ZNF518B: variants seen among roughly 807,000 people sequenced by gnomAD.
The protein encoded by ZNF518B is zinc finger protein 518B.
In ZNF518B, 23 loss-of-function variants were observed where a neutral mutation model predicts 56.3. The ratio of observed to expected loss-of-function variants is 0.41; its 90% CI spans 0.29 to 0.58. The LOEUF (loss-of-function observed/expected upper bound fraction) is 0.58. Among genes scored for constraint, ZNF518B ranks in the 20% least tolerant of loss-of-function variants. The pLI is 0.32. For synonymous variants in ZNF518B, 529 were observed against 465.9 expected (o/e 1.14, Z -1.74); for missense variants, 1,460 against 1,272.1 (o/e 1.15, Z -2.25).
chr4:10,445,196 T>C lies in ZNF518B; in HGVS notation c.1133A>G (p.Asn378Ser), dbSNP rs778885087. 22 of 1,614,104 alleles carry C rather than the reference T, an allele frequency of 1.4e-5. No individual in the cohort carries two copies. The Middle Eastern group carries it at 6.6e-4, about 48-fold the overall frequency. Residue 378 changes from asparagine (N) to serine (S), a missense_variant, in exon 3 of 3, where the codon AAT becomes AGT. Coordinates refer to ENST00000326756, the MANE Select transcript of ZNF518B (RefSeq NM_053042.3). ...CACCATACGTTCAGAATTACCTCCA[T>C]TATCCCTCCCAGCTTCAAGGCAATT... ...ENNCLEAGRD[N>S]GGNSERMVKE...
Position 10,443,512 on chromosome 4 carries a change from C to G in ZNF518B, c.2817G>C (p.Arg939=). 1 of 1,613,866 alleles carries G rather than the reference C, an allele frequency of 6.2e-7. No individual in the cohort carries two copies. Among genetic ancestry groups the G allele is most frequent in the African/African-American group, 1.3e-5 (1 of 75,048 alleles). ...GGTTTAACACAATGACTGGCTGGTT[C>G]CGACGGGGACACTTAATCAACTGAT... ...KPDQLIKCPR[R]NQPVIVLNHP... The change falls in exon 3 of 3, where the codon CGG becomes CGC. Residue 939 remains arginine, a synonymous_variant. Transcript: ENST00000326756.
chr4:10,446,408 T>C lies in ZNF518B; in HGVS notation c.-80A>G, dbSNP rs1715058820. The C allele has an allele frequency of 3.6e-6, 5 of 1,386,948 alleles. No homozygotes were observed. Among genetic ancestry groups the C allele is most frequent in the African/African-American group, 1.4e-5 (1 of 69,170 alleles). 85.9% of individuals were successfully genotyped at this position (1,386,948 alleles called of 1,614,324 possible). On this transcript the variant is annotated 5_prime_UTR_variant, in exon 3 of 3. Transcript: ENST00000326756. The stretch of plus-strand genomic sequence containing the variant: ...AAAATCCTTAGGAGATATCCTTCTA[T>C]ACAGTTTGTGATGGGTAGGGGCGCA...
rs1714680893 is a variant in ZNF518B, at chr4:10,441,512, A to T, written c.*1592T>A. ...AATCACTGGTGTCTTTTTCAGGTGC[A>T]ACAACTCTTTAGTTTCATTCACTGC... On this transcript the variant is annotated 3_prime_UTR_variant, in exon 3 of 3. Coordinates refer to ENST00000326756, the MANE Select transcript of ZNF518B (RefSeq NM_053042.3). The T allele has an allele frequency of 6.6e-6, 1 of 152,356 alleles. No individual in the cohort carries two copies. The highest frequency in any genetic ancestry group is 2.4e-5 in the African/African-American group (1 of 41,358). 9.4% of individuals were successfully genotyped at this position (152,356 alleles called of 1,614,324 possible). A position where few individuals can be genotyped will look rare whatever the true frequency, so the allele number is the denominator to read the frequency against.
At chr4:10,461,328 C>T (rs1291051452), upstream of ZNF518B, among the ~76,000 whole-genome samples, 4 of 152,222 alleles carry the variant, frequency 2.6e-5, no homozygotes, top group East Asian at 1.9e-4. Context: ...CTCAGCTCGG[C>T]CGCCGCGGCT....
At chr4:10,456,905 G>A (rs1304882241) in intron 1 of ZNF518B, among the ~76,000 whole-genome samples, 3 of 151,798 alleles carry the variant, frequency 2.0e-5, no homozygotes, top group African/African-American at 7.2e-5. Context: ...CCGGGCCAGC[G>A]GCGCCACACG....
intron 1 of ZNF518B, among the ~76,000 whole-genome samples, chr4:10,455,277 CTGTA>C (rs1342513063): frequency 6.6e-6 from 1 of 152,198 alleles, no homozygotes; most frequent in Non-Finnish European, 1.5e-5. Flanking sequence ...ACTGGCTGAT[CTGTA>C]GCTGCTTTCA....
At chr4:10,460,338 A>AAAAC (rs1715709744), upstream of ZNF518B, among the ~76,000 whole-genome samples, 1 of 144,932 alleles carries the variant, frequency 6.9e-6, no homozygotes, top group Admixed American at 6.9e-5. Context: ...AAAAAAAAAA[A>AAAAC]CCGACCATGT....
In ZNF518B at chr4:10,444,065, T is replaced by C. The variant is rs1479694436; in HGVS notation, c.2264A>G (p.Lys755Arg). The C allele has an allele frequency of 1.9e-6, 3 of 1,614,116 alleles. No individual in the cohort carries two copies. The highest frequency in any genetic ancestry group is 2.7e-5 in the African/African-American group (2 of 74,938). Residue 755 changes from lysine (K) to arginine (R), a missense_variant, in exon 3 of 3, where the codon AAA becomes AGA. Transcript: ENST00000326756. The stretch of plus-strand genomic sequence containing the variant: ...CTTCCTGGCCACTCTGCTTTTGGTT[T>C]TCCTATTACTGCCATCTGCAAAGTG... Reference protein sequence around the residue: ...YPHFADGSNRKTKSRVARKAH... With the variant: ...YPHFADGSNRRTKSRVARKAH...
rs1714836266 is a variant in ZNF518B, at chr4:10,444,133, A to G, written c.2196T>C (p.Gly732=). 1 of 1,614,114 alleles carries G rather than the reference A, an allele frequency of 6.2e-7. No individual in the cohort carries two copies. The highest frequency in any genetic ancestry group is 8.5e-7 in the Non-Finnish European group (1 of 1,180,044). Residue 732 remains glycine, a synonymous_variant, in exon 3 of 3, where the codon GGT becomes GGC. Coordinates refer to ENST00000326756, the MANE Select transcript of ZNF518B (RefSeq NM_053042.3). ...GAGTAAGCTGTCTATTACCAGTAAT[A>G]CCACCATCATTCGGAGGTTTCTGAA... ...GTLQKPPNDG[G]ITGNRQLTHQ...
At position 10,443,181 on chromosome 4, in the gene ZNF518B, C is replaced by T. The variant is rs1714761049; in HGVS notation, c.3148G>A (p.Glu1050Lys). 5 of 1,614,240 alleles carry T rather than the reference C, an allele frequency of 3.1e-6. No individual in the cohort carries two copies. The highest frequency in any genetic ancestry group is 4.2e-6 in the Non-Finnish European group (5 of 1,180,036). ...FCGRLYEDQE[E>K]WMSHGQRHLI... is the part of the protein sequence containing the mutation. The stretch of plus-strand genomic sequence containing the variant: ...TGCCGTTGGCCATGACTCATCCACT[C>T]TTCCTGGTCTTCATACAGTCGCCCA... Residue 1050 changes from glutamate to lysine, a missense_variant, in exon 3 of 3, where the codon GAG (glutamate) becomes AAG (lysine). Transcript: ENST00000326756.
chr4:10,446,204 GT>G lies in ZNF518B; in HGVS notation c.124del (p.Thr42ProfsTer13). On this transcript the variant is annotated frameshift_variant, in exon 3 of 3. Transcript: ENST00000326756. LOFTEE classifies it low-confidence loss of function (END_TRUNC). ...APRPNRQEAQ[T>X]LLYQGSEAEA... Reference sequence around the variant, plus strand: ...TGCCTCTGAGCCTTGATACAAAAGGGTTTGTGCTTCTTGTCTATTTGGCCGA... The same window carrying G: ...TGCCTCTGAGCCTTGATACAAAAGGGTTGTGCTTCTTGTCTATTTGGCCGA... 6.2e-7 allele frequency: 1 copy of G among 1,614,180 alleles called. No homozygotes were observed. The highest frequency in any genetic ancestry group is 8.5e-7 in the Non-Finnish European group (1 of 1,180,036).
chr4:10,443,974 C>A lies in ZNF518B; in HGVS notation c.2355G>T (p.Glu785Asp). 6.2e-7 allele frequency: 1 copy of A among 1,614,174 alleles called. No individual in the cohort carries two copies. Among genetic ancestry groups the A allele is most frequent in the Non-Finnish European group, 8.5e-7 (1 of 1,180,024 alleles). ...GAVLRVLNSS[E>D]NAHIIEATCE... ...ATGTAGCCTCTATGATGTGGGCATT[C>A]TCAGAGGAATTAAGAACCCTCAACA... Residue 785 changes from glutamate (E) to aspartate (D), a missense_variant, in exon 3 of 3, where the codon GAG becomes GAT. Physicochemically the swap from Glu to Asp is conservative, Grantham distance 45. Coordinates refer to ENST00000326756, the MANE Select transcript of ZNF518B (RefSeq NM_053042.3).
intron 2 of ZNF518B, chr4:10,454,331 TCCTGGCACAGTG>T (rs955458379): frequency 2.6e-5 from 4 of 152,248 alleles, no homozygotes; most frequent in East Asian, 1.9e-4. Flanking sequence ...ATTTGAATGT[TCCTGGCACAGTG>T]CCTGGCATAG....
chr4:10,452,852 C>T (rs768161015), intron 2 of ZNF518B: 10 of 152,208 alleles, frequency 6.6e-5, no homozygotes, highest in Non-Finnish European at 1.3e-4. Context: ...ACGAAAAATA[C>T]TTCCAAATGC....
intron 2 of ZNF518B, chr4:10,454,420 A>C (rs1715447678): frequency 6.6e-6 from 1 of 152,264 alleles, no homozygotes; most frequent in Non-Finnish European, 1.5e-5. Flanking sequence ...GCTGTTTTTA[A>C]GGAGTCTAAC....
Position 10,443,312 on chromosome 4 carries a change from T to G in ZNF518B, c.3017A>C (p.Gln1006Pro), listed in dbSNP as rs1328830923. The G allele has an allele frequency of 6.2e-7, 1 of 1,614,096 alleles. No homozygotes were observed. Among genetic ancestry groups the G allele is most frequent in the South Asian group, 1.1e-5 (1 of 91,092 alleles). Residue 1006 changes from glutamine (Q) to proline (P), a missense_variant, in exon 3 of 3, where the codon CAA becomes CCA. Coordinates refer to ENST00000326756, the MANE Select transcript of ZNF518B (RefSeq NM_053042.3). The part of the protein sequence containing the change: ...NAEEASQIKR[Q>P]MMLKMKLKKV... ...TTTGAGTTTCATTTTCAACATCATT[T>G]GCCTTTTAATTTGACTGGCTTCTTC... is the stretch of plus-strand genomic sequence containing the variant.
Position 10,445,396 on chromosome 4 carries a change from A to G in ZNF518B, c.933T>C (p.Val311=), listed in dbSNP as rs1714949357. The change falls in exon 3 of 3, where the codon GTT becomes GTC. Residue 311 remains valine, a synonymous_variant. Coordinates refer to ENST00000326756, the MANE Select transcript of ZNF518B (RefSeq NM_053042.3). ...NEVNLFENKN[V]EVEVLSPAKE... Reference sequence around the variant, plus strand: ...TTGCAGGGGATAACACTTCTACTTCAACATTTTTGTTCTCAAATAGGTTGA... The same window carrying G: ...TTGCAGGGGATAACACTTCTACTTCGACATTTTTGTTCTCAAATAGGTTGA... 4.3e-6 allele frequency: 7 copies of G among 1,614,184 alleles called. No homozygotes were observed. The highest frequency in any genetic ancestry group is 5.9e-6 in the Non-Finnish European group (7 of 1,180,034).
chr4:10,458,290 G>T (rs1346827400), upstream of ZNF518B, among the ~76,000 whole-genome samples: 1 of 152,110 alleles, frequency 6.6e-6, no homozygotes, highest in African/African-American at 2.4e-5. Flanking sequence ...GCGTCACTGG[G>T]AAGTACAGTT....
At position 10,443,526 on chromosome 4, in the gene ZNF518B, T is replaced by C. The variant is rs1714784513; in HGVS notation, c.2803A>G (p.Lys935Glu). Residue 935 changes from lysine to glutamate, a missense_variant, in exon 3 of 3, where the codon AAG becomes GAG. Transcript: ENST00000326756. ...LIAAKPDQLIKCPRRNQPVIV... is the reference protein window; with the variant it reads ...LIAAKPDQLIECPRRNQPVIV... Reference sequence around the variant, plus strand: ...ACTGGCTGGTTCCGACGGGGACACTTAATCAACTGATCTGGCTTAGCTGCT... The same window carrying C: ...ACTGGCTGGTTCCGACGGGGACACTCAATCAACTGATCTGGCTTAGCTGCT... 1 of 1,613,922 alleles carries C rather than the reference T, an allele frequency of 6.2e-7. No individual in the cohort carries two copies. The highest frequency in any genetic ancestry group is 1.3e-5 in the African/African-American group (1 of 74,952).
Sources: gnomAD v4.1 joint callset for allele counts (sites outside exome capture counted in the v4.1 genomes callset) on GRCh38, gnomAD v4.1.1 for gene constraint, MANE v1.5 for transcripts, NCBI Gene and HGNC (gene_info 2026-07-23, HGNC 2026-07-21) for gene names.